Variants in CPN2 observed in about 807,000 individuals in gnomAD.
CPN2 encodes the protein carboxypeptidase N 83 kDa chain.
For missense variants in CPN2, 620 were observed against 671.4 expected (o/e 0.92, Z 0.85); for synonymous variants, 336 against 318.4 (o/e 1.06, Z -0.59).
intron 1 of CPN2, among the ~76,000 whole-genome samples, chr3:194,346,265 G>A (rs1312383637): frequency 1.3e-5 from 2 of 152,226 alleles, no homozygotes. Context: ...GGCAGCCCAC[G>A]GAGGCCGGGG....
In CPN2 at chr3:194,341,413, G is replaced by A. The variant is rs751982699; in HGVS notation, c.1290C>T (p.Leu430=). 41 of 1,614,092 alleles carry A rather than the reference G, an allele frequency of 2.5e-5. No individual in the cohort carries two copies. In the East Asian group the frequency reaches 9.1e-4, roughly 36 times the overall value. ...IQTYCAGPAY[L]KGQVVPALNE... ...TCAAGGCGGGCACCACCTGGCCTTTGAGGTAGGCAGGGCCAGCGCAGTAGG... is the reference window on the plus strand; with the variant it reads ...TCAAGGCGGGCACCACCTGGCCTTTAAGGTAGGCAGGGCCAGCGCAGTAGG... The change falls in exon 2 of 2, where the codon CTC becomes CTT. Residue 430 remains leucine (L), a synonymous_variant. Coordinates refer to ENST00000323830, the MANE Select transcript of CPN2 (RefSeq NM_001080513.4).
intron 1 of CPN2, among the ~76,000 whole-genome samples, chr3:194,349,699 G>A (rs1182905980): frequency 2.0e-5 from 3 of 147,876 alleles, no homozygotes; most frequent in African/African-American, 7.5e-5. Context: ...GGCACTATGC[G>A]ACCCTCCCAA....
In CPN2 at chr3:194,342,369, G is replaced by A. The variant is rs755357763; in HGVS notation, c.334C>T (p.Leu112Phe). The change falls in exon 2 of 2, where the codon CTC (leucine) becomes TTC (phenylalanine). Residue 112 changes from leucine to phenylalanine, a missense_variant. Physicochemically the swap from Leu to Phe is conservative, Grantham distance 22. Coordinates refer to ENST00000323830, the MANE Select transcript of CPN2 (RefSeq NM_001080513.4). ...LEVTGSSFLNLSTNIFSNLTS... is the reference protein window; with the variant it reads ...LEVTGSSFLNFSTNIFSNLTS... ...AGGTTGGAGAAGATGTTGGTGCTGAGGTTCAAGAAGCTACTGCCTGTGACC... is the reference window on the plus strand; with the variant it reads ...AGGTTGGAGAAGATGTTGGTGCTGAAGTTCAAGAAGCTACTGCCTGTGACC... The A allele has an allele frequency of 1.9e-6, 3 of 1,614,040 alleles. No individual in the cohort carries two copies. The highest frequency in any genetic ancestry group is 2.2e-5 in the East Asian group (1 of 44,884).
At chr3:194,347,542 CCT>C (rs1010711502) in intron 1 of CPN2, among the ~76,000 whole-genome samples, 2 of 152,238 alleles carry the variant, frequency 1.3e-5, no homozygotes, top group African/African-American at 2.4e-5. Context: ...AGCCTGGTCC[CCT>C]CTCTTCTCAA....
chr3:194,346,910 C>T (rs1713066368), intron 1 of CPN2, among the ~76,000 whole-genome samples: 1 of 152,210 alleles, frequency 6.6e-6, no homozygotes, highest in Non-Finnish European at 1.5e-5. Flanking sequence ...GCTCTTTCCT[C>T]CAGCCAAGGG....
At chr3:194,347,165 C>T (rs149439657) in intron 1 of CPN2, among the ~76,000 whole-genome samples, 449 of 151,282 alleles carry the variant, frequency 3.0e-3, no homozygotes, top group Middle Eastern at 0.028. Flanking sequence ...TCCACACTTT[C>T]GGCAAGCCAA....
chr3:194,339,919 T>C lies in CPN2; in HGVS notation c.*1146A>G, dbSNP rs1712731729. On this transcript the variant is annotated 3_prime_UTR_variant, in exon 2 of 2. Transcript: ENST00000323830. ...AGGAATGAGGCATCAATCAAATACA[T>C]TTAAGAAATACATTGGTTGAGTTCA... The C allele has an allele frequency of 6.6e-6, 1 of 152,172 alleles. No individual in the cohort carries two copies. The highest frequency in any genetic ancestry group is 1.5e-5 in the Non-Finnish European group (1 of 68,028). 9.4% of individuals were successfully genotyped at this position (152,172 alleles called of 1,614,324 possible). A position where few individuals can be genotyped will look rare whatever the true frequency, so the allele number is the denominator to read the frequency against.
chr3:194,349,269 G>A (rs1204057233), intron 1 of CPN2, among the ~76,000 whole-genome samples: 2 of 152,176 alleles, frequency 1.3e-5, no homozygotes, highest in Non-Finnish European at 2.9e-5. Flanking sequence ...GCTGAGGCAG[G>A]AGAATCGCTA....
chr3:194,343,417 T>G (rs1176741417), intron 1 of CPN2, among the ~76,000 whole-genome samples: 1 of 152,258 alleles, frequency 6.6e-6, no homozygotes, highest in African/African-American at 2.4e-5. Context: ...AGTGACATTG[T>G]TCATATATGA....
chr3:194,343,564 G>A (rs751140364), intron 1 of CPN2, among the ~76,000 whole-genome samples: 1 of 152,236 alleles, frequency 6.6e-6, no homozygotes, highest in Non-Finnish European at 1.5e-5. Flanking sequence ...GTTAGAGGGT[G>A]TGTGCCCTCC....
At chr3:194,346,709 G>A (rs1410962746) in intron 1 of CPN2, among the ~76,000 whole-genome samples, 3 of 152,206 alleles carry the variant, frequency 2.0e-5, no homozygotes, top group Admixed American at 6.5e-5. Context: ...ATGAGAAAAC[G>A]CATGGAAAGC....
Position 194,342,393 on chromosome 3 carries a change from C to T in CPN2, c.310G>A (p.Val104Ile). 5 of 1,614,136 alleles carry T rather than the reference C, an allele frequency of 3.1e-6. No homozygotes were observed. Among genetic ancestry groups the T allele is most frequent in the Non-Finnish European group, 4.2e-6 (5 of 1,180,002 alleles). Reference protein sequence around the residue: ...GGLPRLEDLEVTGSSFLNLST... With the variant: ...GGLPRLEDLEITGSSFLNLST... ...AGGTTCAAGAAGCTACTGCCTGTGA[C>T]CTCCAGGTCCTCCAGCCTGGGCAGC... Residue 104 changes from valine to isoleucine, a missense_variant, in exon 2 of 2, where the codon GTC (valine) becomes ATC (isoleucine). Val to Ile is a conservative substitution (Grantham distance 29, BLOSUM62 3). Coordinates refer to ENST00000323830, the MANE Select transcript of CPN2 (RefSeq NM_001080513.4).
chr3:194,349,451 C>A (rs1425110369), intron 1 of CPN2, among the ~76,000 whole-genome samples: 1 of 152,214 alleles, frequency 6.6e-6, no homozygotes, highest in Non-Finnish European at 1.5e-5. Context: ...ATATGTTCCA[C>A]ATTTTTAAGT....
In CPN2 at chr3:194,342,716, G is replaced by A; in HGVS notation, c.-3-11C>T. The A allele has an allele frequency of 8.7e-7, 1 of 1,148,718 alleles. No individual in the cohort carries two copies. Among genetic ancestry groups the A allele is most frequent in the Non-Finnish European group, 1.3e-6 (1 of 782,114 alleles). The allele number at this position is 1,148,718 out of a possible 1,614,324, so 71.2% of individuals were successfully genotyped here. On this transcript the variant is annotated splice_polypyrimidine_tract_variant and intron_variant, in intron 1 of 1. Coordinates refer to ENST00000323830, the MANE Select transcript of CPN2 (RefSeq NM_001080513.4). ...TCCAGGGAGCATCTTCTAGATTCGA[G>A]GAGGGAGAGAGAACAGGAAGAGAAA... is the stretch of plus-strand genomic sequence containing the variant.
In CPN2 at chr3:194,341,298, C is replaced by A; in HGVS notation, c.1405G>T (p.Asp469Tyr). 6.2e-7 allele frequency: 1 copy of A among 1,613,604 alleles called. No individual in the cohort carries two copies. Among genetic ancestry groups the A allele is most frequent in the South Asian group, 1.1e-5 (1 of 91,082 alleles). The stretch of plus-strand genomic sequence containing the variant: ...GCTGCCCTTTCCTGCACAGCCAGAT[C>A]CCAGCTGCCCCCTGCCTTGCTTTCG... ...PDESKAGGSWDLAVQERAARS... is the reference protein window; with the variant it reads ...PDESKAGGSWYLAVQERAARS... The change falls in exon 2 of 2, where the codon GAT (aspartate) becomes TAT (tyrosine). Residue 469 changes from aspartate (D) to tyrosine (Y), a missense_variant. Transcript: ENST00000323830.
In CPN2 at chr3:194,344,558, G is replaced by A. The variant is rs563084819; in HGVS notation, c.-3-1853C>T. 3.3e-4 allele frequency among the ~76,000 whole-genome samples: 50 copies of A among 152,254 alleles called. No individual in the cohort carries two copies. The East Asian group carries it at 7.9e-3, about 24-fold the overall frequency. ...AAACCTACAAAAATTAGCCAGGTGC[G>A]GTGGTGCACATCTGTAATCCCAGCT... On this transcript the variant is annotated intron_variant, in intron 1 of 1. Coordinates refer to ENST00000323830, the MANE Select transcript of CPN2 (RefSeq NM_001080513.4).
chr3:194,345,291 C>T (rs550536918), intron 1 of CPN2, among the ~76,000 whole-genome samples: 2 of 152,300 alleles, frequency 1.3e-5, no homozygotes, highest in Admixed American at 1.3e-4. Context: ...AGAGCTGCCT[C>T]GATTCCTCCA....
At chr3:194,342,779 C>T (rs1712907991) in intron 1 of CPN2, 74 bp from the exon 2 acceptor site, 1 of 701,526 alleles carries the variant, frequency 1.4e-6, no homozygotes, top group Admixed American at 2.7e-5. Context: ...GACCAGGGCA[C>T]AGTGACCAGG....
chr3:194,342,131 G>A lies in CPN2; in HGVS notation c.572C>T (p.Pro191Leu). Residue 191 changes from proline to leucine, a missense_variant, in exon 2 of 2, where the codon CCA becomes CTA. By Grantham distance (98) the Pro-to-Leu change is moderately conservative (BLOSUM62 -3). Coordinates refer to ENST00000323830, the MANE Select transcript of CPN2 (RefSeq NM_001080513.4). ...CTTCAGGGTCTGCAGGCTGGTGAGTGGGTGGAACAGCTCCTCCGGGAGCTG... is the reference window on the plus strand; with the variant it reads ...CTTCAGGGTCTGCAGGCTGGTGAGTAGGTGGAACAGCTCCTCCGGGAGCTG... ...LAQLPEELFH[P>L]LTSLQTLKLS... 2 of 1,614,148 alleles carry A rather than the reference G, an allele frequency of 1.2e-6. No homozygotes were observed. The highest frequency in any genetic ancestry group is 1.7e-6 in the Non-Finnish European group (2 of 1,180,020).
Sources: allele counts gnomAD v4.1 joint callset (sites outside exome capture counted in the v4.1 genomes callset), GRCh38; gene constraint gnomAD v4.1.1; transcripts MANE v1.5; gene names NCBI Gene and HGNC (gene_info 2026-07-23, HGNC 2026-07-21).